The following SOS2 variants were observed in gnomAD, a reference collection of about 807,000 sequenced individuals.
The protein encoded by SOS2 is son of sevenless homolog 2.
In SOS2, 65 loss-of-function variants were observed where a neutral mutation model predicts 148.2. The observed-to-expected ratio is 0.44, with a 90% CI of 0.36 to 0.54. SOS2 has a LOEUF of 0.54. Among genes scored for constraint, SOS2 ranks in the 20% least tolerant of loss-of-function variants. The probability of loss-of-function intolerance (pLI) is 0.00; values close to 1 mark genes in which losing one functional copy is unlikely to be tolerated. For synonymous variants in SOS2, 539 were observed against 537.1 expected (o/e 1.00, Z -0.05); for missense variants, 1,341 against 1,590.2 (o/e 0.84, Z 2.67).
chr14:50,214,535 T>A (rs1209968401), intron 1 of SOS2, among the ~76,000 whole-genome samples: 1 of 152,028 alleles, frequency 6.6e-6, no homozygotes, highest in Non-Finnish European at 1.5e-5. Flanking sequence ...GACATTTAAC[T>A]AGGCGTAGTG....
intron 16 of SOS2, among the ~76,000 whole-genome samples, chr14:50,143,794 G>C (rs1401853162): frequency 2.0e-5 from 3 of 149,346 alleles, no homozygotes; most frequent in Non-Finnish European, 1.5e-5. Context: ...TTCTGCCCCC[G>C]CCAGAGGCAT....
At chr14:50,178,711 T>TATATATATATAC (rs1237281191) in intron 7 of SOS2, among the ~76,000 whole-genome samples, 95 of 120,330 alleles carry the variant, frequency 7.9e-4, no homozygotes, top group Non-Finnish European at 1.4e-3. Flanking sequence ...TATATATATA[T>TATATATATATAC]ACACACATAT....
intron 8 of SOS2, among the ~76,000 whole-genome samples, chr14:50,165,401 A>G (rs1184201874): frequency 6.6e-6 from 1 of 152,118 alleles, no homozygotes. Flanking sequence ...ATAAATAAGG[A>G]CACACACACC....
intron 9 of SOS2, among the ~76,000 whole-genome samples, chr14:50,160,585 C>T (rs868730119): frequency 4.0e-5 from 6 of 151,852 alleles, no homozygotes; most frequent in Non-Finnish European, 5.9e-5. Context: ...TGGGGTTTCA[C>T]CATGTTGGCC....
chr14:50,145,340 C>A lies in SOS2; in HGVS notation c.2505-8G>T. 2 of 1,591,590 alleles carry A rather than the reference C, an allele frequency of 1.3e-6. No individual in the cohort carries two copies. The highest frequency in any genetic ancestry group is 1.7e-6 in the Non-Finnish European group (2 of 1,172,560). On this transcript the variant is annotated splice_polypyrimidine_tract_variant and splice_region_variant and intron_variant, in intron 15 of 22. Coordinates refer to ENST00000216373, the MANE Select transcript of SOS2 (RefSeq NM_006939.4). ...TCTGCTTCCACAATGCATCTAACAA[C>A]AACAAAAATTCATGGCTTAGAAAAG...
chr14:50,150,085 A>C lies in SOS2; in HGVS notation c.2307T>G (p.Phe769Leu). ...GAAGTGTCATGAGATCAAATGTTTC[A>C]AACTGTCCTGGTTTGCTGATATGCC... ...IEWHISKPGQ[F>L]ETFDLMTLHP... The change falls in exon 14 of 23, where the codon TTT becomes TTG. Residue 769 changes from phenylalanine (F) to leucine (L), a missense_variant. By Grantham distance (22) the Phe-to-Leu change is conservative. Transcript: ENST00000216373. 6.2e-7 allele frequency: 1 copy of C among 1,614,074 alleles called. No homozygotes were observed. The highest frequency in any genetic ancestry group is 1.1e-5 in the South Asian group (1 of 91,076).
intron 4 of SOS2, among the ~76,000 whole-genome samples, chr14:50,190,406 T>A (rs1479484174): frequency 6.6e-6 from 1 of 152,152 alleles, no homozygotes. Context: ...GTTGGTAAAA[T>A]ATGCTAATAA....
intron 8 of SOS2, 26 bp from the exon 9 acceptor site, chr14:50,161,635 A>G (rs1330929860): frequency 1.2e-6 from 2 of 1,605,474 alleles, no homozygotes; most frequent in Admixed American, 3.4e-5. Flanking sequence ...AAGAAAAATC[A>G]AAACTGCATT....
intron 9 of SOS2, among the ~76,000 whole-genome samples, chr14:50,161,138 C>A (rs1248766564): frequency 1.3e-5 from 2 of 151,904 alleles, no homozygotes; most frequent in Admixed American, 6.6e-5. Context: ...ACTAAAAATA[C>A]AAAAATTAGC....
At chr14:50,176,041 C>T (rs1299889933) in intron 7 of SOS2, among the ~76,000 whole-genome samples, 1 of 152,142 alleles carries the variant, frequency 6.6e-6, no homozygotes, top group African/African-American at 2.4e-5. Context: ...CCCAATGCAA[C>T]AGTATTAAGA....
At chr14:50,176,747 C>T (rs148481483) in intron 7 of SOS2, among the ~76,000 whole-genome samples, 3,138 of 152,288 alleles carry the variant, frequency 0.021, 74 homozygotes, top group Non-Finnish European at 0.026. Context: ...TGATGGCTCA[C>T]GCCTGTAATC....
intron 8 of SOS2, among the ~76,000 whole-genome samples, chr14:50,165,861 A>C (rs749936838): frequency 1.3e-5 from 2 of 152,222 alleles, no homozygotes; most frequent in African/African-American, 4.8e-5. Flanking sequence ...TACTATAATC[A>C]TATGTTACAG....
intron 1 of SOS2, among the ~76,000 whole-genome samples, chr14:50,218,891 G>C (rs1421222733): frequency 6.6e-6 from 1 of 152,056 alleles, no homozygotes; most frequent in East Asian, 1.9e-4. Flanking sequence ...GAGACGAGTG[G>C]ATCATGAGGT....
chr14:50,212,101 C>G (rs1172663462), intron 1 of SOS2, among the ~76,000 whole-genome samples: 1 of 152,008 alleles, frequency 6.6e-6, no homozygotes, highest in African/African-American at 2.4e-5. Flanking sequence ...AAATTAAATA[C>G]AAAAATAAAA....
chr14:50,172,419 CTTT>C (rs768766517), intron 8 of SOS2, among the ~76,000 whole-genome samples: 1 of 82,762 alleles, frequency 1.2e-5, no homozygotes, highest in Non-Finnish European at 2.2e-5. Flanking sequence ...TTATTCATTC[CTTT>C]TTTTTTTTTT....
At chr14:50,166,308 G>A (rs1442071425) in intron 8 of SOS2, among the ~76,000 whole-genome samples, 8 of 151,938 alleles carry the variant, frequency 5.3e-5, no homozygotes, top group Non-Finnish European at 8.8e-5. Context: ...CTGCATCCTC[G>A]ATGTCCCGGG....
chr14:50,165,134 T>C (rs1885127739), intron 8 of SOS2, among the ~76,000 whole-genome samples: 1 of 152,202 alleles, frequency 6.6e-6, no homozygotes, highest in African/African-American at 2.4e-5. Context: ...TTCTCATAGC[T>C]CATCTTACAA....
chr14:50,167,650 C>A (rs541912536), intron 8 of SOS2, among the ~76,000 whole-genome samples: 37 of 152,252 alleles, frequency 2.4e-4, no homozygotes, highest in African/African-American at 7.9e-4. Context: ...AGGAGGATCA[C>A]CTGAAATCAG....
chr14:50,123,204 T>G (rs550622494), intron 21 of SOS2, among the ~76,000 whole-genome samples: 1 of 152,102 alleles, frequency 6.6e-6, no homozygotes, highest in Non-Finnish European at 1.5e-5. Flanking sequence ...ACAGCAGGAA[T>G]GGCAAGAGCA....
Sources: gnomAD v4.1 joint callset for allele counts (sites outside exome capture counted in the v4.1 genomes callset) on GRCh38, gnomAD v4.1.1 for gene constraint, MANE v1.5 for transcripts, NCBI Gene and HGNC (gene_info 2026-07-23, HGNC 2026-07-21) for gene names.